The following PLCB1 variants were observed in gnomAD, a reference collection of about 807,000 sequenced individuals.
PLCB1 encodes 1-phosphatidylinositol 4,5-bisphosphate phosphodiesterase beta-1.
A neutral mutation model predicts 161.8 loss-of-function variants in PLCB1; 46 were observed. That is an observed-to-expected ratio of 0.28 (90% CI 0.22 to 0.36). The LOEUF (loss-of-function observed/expected upper bound fraction) is 0.36. PLCB1 is among the 10% of genes least tolerant of loss of function. PLCB1 has a pLI of 1.00. For missense variants in PLCB1, 1,016 were observed against 1,472.5 expected (o/e 0.69, Z 5.07); for synonymous variants, 517 against 503.7 (o/e 1.03, Z -0.35).
chr20:8,802,168 G>A (rs771057383), intron 31 of PLCB1: 130 of 1,572,060 alleles, frequency 8.3e-5, no homozygotes, highest in Non-Finnish European at 9.4e-5. Flanking sequence ...CCGTCCTTCC[G>A]GCCAGGTAGG....
chr20:8,744,731 G>T (rs1366292616), intron 23 of PLCB1, among the ~76,000 whole-genome samples: 1 of 151,806 alleles, frequency 6.6e-6, no homozygotes, highest in Non-Finnish European at 1.5e-5. Flanking sequence ...TGAGCTAAAG[G>T]TCTCATAATG....
At chr20:8,452,702 G>A (rs2122652880) in intron 3 of PLCB1, among the ~76,000 whole-genome samples, 1 of 152,306 alleles carries the variant, frequency 6.6e-6, no homozygotes, top group South Asian at 2.1e-4. Context: ...CCAAAGAGAT[G>A]AGTACAGAAA....
intron 14 of PLCB1, among the ~76,000 whole-genome samples, chr20:8,719,694 G>A (rs1442114259): frequency 6.6e-6 from 1 of 152,098 alleles, no homozygotes; most frequent in East Asian, 1.9e-4. Context: ...CTAGAGATTG[G>A]TTATATTTTG....
intron 3 of PLCB1, among the ~76,000 whole-genome samples, chr20:8,489,658 G>C (rs1021895437): frequency 2.0e-5 from 3 of 152,164 alleles, no homozygotes; most frequent in Non-Finnish European, 4.4e-5. Context: ...GAGGGCCCAC[G>C]CAGTACAGGA....
chr20:8,156,928 C>A (rs2051569172), intron 2 of PLCB1, among the ~76,000 whole-genome samples: 1 of 152,178 alleles, frequency 6.6e-6, no homozygotes, highest in Non-Finnish European at 1.5e-5. Context: ...TTAGAGACCA[C>A]AAAAATGTGC....
intron 4 of PLCB1, among the ~76,000 whole-genome samples, chr20:8,629,879 C>CTCTT (rs1988497707): frequency 1.1e-5 from 1 of 89,764 alleles, no homozygotes; most frequent in African/African-American, 4.6e-5. Context: ...CTTTCTTTCT[C>CTCTT]TCTCTCTTTC....
chr20:8,362,148 C>T (rs1986563969), intron 2 of PLCB1, among the ~76,000 whole-genome samples: 1 of 151,844 alleles, frequency 6.6e-6, no homozygotes, highest in South Asian at 2.1e-4. Context: ...TGTGAGAAGC[C>T]TGTAATATAT....
chr20:8,676,434 G>GAAAGAAAGAAAGAAAGAAAGAAAGAA lies in PLCB1; in HGVS notation c.863-8497_863-8496insAAGAAAGAAAGAAAGAAAGAAAGAAA, dbSNP rs1555782393. On this transcript the variant is annotated intron_variant, in intron 9 of 31. Coordinates refer to ENST00000338037, the MANE Select transcript of PLCB1 (RefSeq NM_015192.4). ...GAAAGAGAAGAAAGAAAGAAAGAAA[G>GAAAGAAAGAAAGAAAGAAAGAAAGAA]AGAGAAAGAGTACCATTTTGAAAGC... is the stretch of plus-strand genomic sequence containing the variant. 5.1e-3 allele frequency among the ~76,000 whole-genome samples: 772 copies of GAAAGAAAGAAAGAAAGAAAGAAAGAA among 151,550 alleles called. 11 individuals carry two copies. Among genetic ancestry groups the GAAAGAAAGAAAGAAAGAAAGAAAGAA allele is most frequent in the Middle Eastern group, 0.02 (6 of 294 alleles).
intron 3 of PLCB1, among the ~76,000 whole-genome samples, chr20:8,382,377 G>C (rs1472884573): frequency 2.0e-5 from 3 of 150,684 alleles, no homozygotes; most frequent in African/African-American, 7.3e-5. Flanking sequence ...CCGCCTCCCG[G>C]GTTCACGCCA....
At chr20:8,829,259 G>C (rs762600775) in intron 31 of PLCB1, among the ~76,000 whole-genome samples, 41 of 152,106 alleles carry the variant, frequency 2.7e-4, no homozygotes, top group Non-Finnish European at 2.4e-4. Context: ...GGAAAAGTCC[G>C]TGACCCCAAA....
At chr20:8,662,342 T>TAC (rs1989687120) in intron 9 of PLCB1, among the ~76,000 whole-genome samples, 1 of 125,424 alleles carries the variant, frequency 8.0e-6, no homozygotes, top group African/African-American at 3.2e-5. Context: ...ATTATATAAT[T>TAC]ATGTATAATA....
chr20:8,221,007 A>T (rs1008516256), intron 2 of PLCB1, among the ~76,000 whole-genome samples: 2 of 152,198 alleles, frequency 1.3e-5, no homozygotes, highest in African/African-American at 4.8e-5. Context: ...CACTCTGGGA[A>T]GTTGGAAATC....
rs769387213 is a variant in PLCB1, at chr20:8,881,862, G to C, written c.*13G>C. On this transcript the variant is annotated 3_prime_UTR_variant, in exon 32 of 32. Coordinates refer to ENST00000338037, the MANE Select transcript of PLCB1 (RefSeq NM_015192.4). ...TACTCCTCTGTGAATGCTCCTGCCA[G>C]GCCTTCAGAAATTGCATGGCCACTC... is the stretch of plus-strand genomic sequence containing the variant. The C allele has an allele frequency of 2.7e-5, 43 of 1,576,588 alleles. No homozygotes were observed. The highest frequency in any genetic ancestry group is 3.3e-4 in the Middle Eastern group (2 of 5,998).
At chr20:8,327,958 T>C (rs1420723921) in intron 2 of PLCB1, among the ~76,000 whole-genome samples, 1 of 152,264 alleles carries the variant, frequency 6.6e-6, no homozygotes, top group East Asian at 1.9e-4. Flanking sequence ...CACATGCTTA[T>C]ATACATATAT....
chr20:8,347,739 A>AG (rs1986042034), intron 2 of PLCB1, among the ~76,000 whole-genome samples: 3 of 152,234 alleles, frequency 2.0e-5, no homozygotes. Context: ...GAATGGACTT[A>AG]GGCCTGAAAG....
chr20:8,761,841 G>A lies in PLCB1; in HGVS notation c.2710+1381G>A, dbSNP rs60914377. Among the ~76,000 whole-genome samples, 426 of 143,868 alleles carry A rather than the reference G, an allele frequency of 3.0e-3. 1 individual carries two copies. Among genetic ancestry groups the A allele is most frequent in the East Asian group, 0.011 (49 of 4,664 alleles). 94.4% of individuals were successfully genotyped at this position (143,868 alleles called of 152,430 possible). A position where few individuals can be genotyped will look rare whatever the true frequency, so the allele number is the denominator to read the frequency against. On this transcript the variant is annotated intron_variant, in intron 25 of 31. Transcript: ENST00000338037. ...ACTCCTGACCTCAGGTGATCCACCC[G>A]CCTCGGCCTCCCAAAGTTTTGGGAT...
chr20:8,445,457 G>A lies in PLCB1; in HGVS notation c.246+74007G>A, dbSNP rs966331399. On this transcript the variant is annotated intron_variant, in intron 3 of 31. Transcript: ENST00000338037. ...CTGTTTTGGTTACTGTAGCCTTGTA[G>A]TATAGTTTGAAGTCAGGTAGCATGA... Among the ~76,000 whole-genome samples, 13 of 152,026 alleles carry A rather than the reference G, an allele frequency of 8.6e-5. 1 individual carries two copies. The highest frequency in any genetic ancestry group is 1.7e-4 in the African/African-American group (7 of 41,456).
intron 9 of PLCB1, among the ~76,000 whole-genome samples, chr20:8,663,314 T>C (rs1193316783): frequency 6.6e-6 from 1 of 152,002 alleles, no homozygotes; most frequent in African/African-American, 2.4e-5. Context: ...AGCAAATAAA[T>C]AATATACAAA....
chr20:8,333,936 G>A (rs548394118), intron 2 of PLCB1, among the ~76,000 whole-genome samples: 4 of 152,206 alleles, frequency 2.6e-5, no homozygotes, highest in South Asian at 2.1e-4. Context: ...TGGGCCTGGC[G>A]CGGTGGCTCA....
Sources: allele counts gnomAD v4.1 joint callset (sites outside exome capture counted in the v4.1 genomes callset), GRCh38; gene constraint gnomAD v4.1.1; transcripts MANE v1.5; gene names NCBI Gene and HGNC (gene_info 2026-07-23, HGNC 2026-07-21).